Variants in KRT28 observed in about 807,000 individuals in gnomAD.
KRT28 encodes keratin, type I cytoskeletal 28.
In KRT28, 45 loss-of-function variants were observed where a neutral mutation model predicts 48.1. The ratio of observed to expected loss-of-function variants is 0.94; its 90% CI spans 0.74 to 1.20. The LOEUF (loss-of-function observed/expected upper bound fraction) is 1.20. Among genes scored for constraint, KRT28 ranks in the 50% most tolerant of loss-of-function variants. KRT28 has a pLI of 0.00. For missense variants in KRT28, 571 were observed against 574.1 expected (o/e 0.99, Z 0.06); for synonymous variants, 228 against 227.4 (o/e 1.00, Z -0.03).
In KRT28 at chr17:40,799,530, A is replaced by C. The variant is rs767666853; in HGVS notation, c.364T>G (p.Tyr122Asp). The C allele has an allele frequency of 8.1e-6, 13 of 1,614,032 alleles. No homozygotes were observed. The African/African-American group carries it at 1.7e-4, about 22-fold the overall frequency. Reference protein sequence around the residue: ...AELERKIKGWYEKYGPGSCRG... With the variant: ...AELERKIKGWDEKYGPGSCRG... ...CAAGATCCAGGTCCGTATTTTTCAT[A>C]CCAACCCTTGATTTTTCTCTCTAAT... The change falls in exon 1 of 8, where the codon TAT (tyrosine) becomes GAT (aspartate). Residue 122 changes from tyrosine to aspartate, a missense_variant. By Grantham distance (160) the Tyr-to-Asp change is radical. Transcript: ENST00000306658.
At chr17:40,793,700 A>G in intron 6 of KRT28, 129 bp downstream of exon 6, 1 of 842,018 alleles carries the variant, frequency 1.2e-6, no homozygotes, top group Admixed American at 2.4e-5. Flanking sequence ...CCAAAAAAAC[A>G]AGAGATGGAC....
At chr17:40,794,432 A>G (rs1183196739) in intron 5 of KRT28, among the ~76,000 whole-genome samples, 1 of 152,170 alleles carries the variant, frequency 6.6e-6, no homozygotes, top group African/African-American at 2.4e-5. Flanking sequence ...TGTTGTTTCC[A>G]TCTTACTCTG....
intron 3 of KRT28, among the ~76,000 whole-genome samples, chr17:40,797,855 T>C (rs1318658309): frequency 6.6e-6 from 1 of 152,174 alleles, no homozygotes; most frequent in African/African-American, 2.4e-5. Flanking sequence ...ATTTATTCTT[T>C]TAAATGAGAA....
Position 40,799,570 on chromosome 17 carries a change from C to T in KRT28, c.324G>A (p.Glu108=). Reference sequence around the variant, plus strand: ...TTCTCTCTAATTCAGCATTTGCCTCCTCCAGAGCTCGCACATTATCCAGGT... The same window carrying T: ...TTCTCTCTAATTCAGCATTTGCCTCTTCCAGAGCTCGCACATTATCCAGGT... ...ASYLDNVRAL[E]EANAELERKI... The change falls in exon 1 of 8, where the codon GAG becomes GAA. Residue 108 remains glutamate, a synonymous_variant. Transcript: ENST00000306658. 1.2e-6 allele frequency: 2 copies of T among 1,614,192 alleles called. No individual in the cohort carries two copies. Among genetic ancestry groups the T allele is most frequent in the Non-Finnish European group, 1.7e-6 (2 of 1,180,024 alleles).
chr17:40,794,772 G>A (rs758764827), intron 5 of KRT28, among the ~76,000 whole-genome samples: 3 of 152,068 alleles, frequency 2.0e-5, no homozygotes, highest in Non-Finnish European at 4.4e-5. Flanking sequence ...ATATGTCTGG[G>A]CAATTATTAC....
intron 5 of KRT28, 98 bp from the exon 6 acceptor site, chr17:40,794,144 T>C (rs1904557421): frequency 1.5e-6 from 2 of 1,367,782 alleles, no homozygotes; most frequent in Non-Finnish European, 2.0e-6. Flanking sequence ...CCCTGGGCAA[T>C]TGTGGAAATT....
intron 2 of KRT28, 50 bp from the exon 3 acceptor site, chr17:40,798,441 A>G (rs747203486): frequency 6.2e-5 from 96 of 1,551,480 alleles, no homozygotes; most frequent in Non-Finnish European, 8.0e-5. Context: ...TACCCCAAGA[A>G]ACAGAAATAT....
At chr17:40,799,047 G>T in intron 1 of KRT28, 48 bp from the exon 2 acceptor site, 1 of 1,115,992 alleles carries the variant, frequency 9.0e-7, no homozygotes, top group Non-Finnish European at 1.3e-6. Context: ...ATGCTTTTAT[G>T]TGATTCATTA....
At chr17:40,796,817 C>A in intron 5 of KRT28, 99 bp downstream of exon 5, 1 of 1,445,092 alleles carries the variant, frequency 6.9e-7, no homozygotes, top group Non-Finnish European at 9.2e-7. Flanking sequence ...TATTTGCAGG[C>A]AAAGGTATAA....
chr17:40,798,880 AC>A, intron 2 of KRT28, 36 bp downstream of exon 2: 4 of 1,341,258 alleles, frequency 3.0e-6, no homozygotes, highest in Non-Finnish European at 4.2e-6. Flanking sequence ...ATAAATAGAA[AC>A]TTTTTTCTAG....
At chr17:40,798,480 T>C in intron 2 of KRT28, 89 bp from the exon 3 acceptor site, 1 of 1,402,068 alleles carries the variant, frequency 7.1e-7, no homozygotes, top group Non-Finnish European at 9.7e-7. Context: ...AACTGAAAAT[T>C]AGAAATTGAA....
intron 5 of KRT28, 45 bp downstream of exon 5, chr17:40,796,871 C>T: frequency 6.5e-7 from 1 of 1,531,214 alleles, no homozygotes. Context: ...TTCTCGGAGG[C>T]TTTCTAGAAT....
At chr17:40,795,143 A>C (rs1904582897) in intron 5 of KRT28, among the ~76,000 whole-genome samples, 1 of 152,196 alleles carries the variant, frequency 6.6e-6, no homozygotes, top group Non-Finnish European at 1.5e-5. Flanking sequence ...TGGGGCTGAG[A>C]ACCTAACACT....
In KRT28 at chr17:40,798,406, A is replaced by T. The variant is rs1259460065; in HGVS notation, c.534-15T>A. The T allele has an allele frequency of 1.9e-6, 3 of 1,588,464 alleles. No homozygotes were observed. In the African/African-American group the frequency reaches 4.0e-5, roughly 21 times the overall value. On this transcript the variant is annotated splice_polypyrimidine_tract_variant and intron_variant, in intron 2 of 7. Transcript: ENST00000306658. ...CATTTTCATACCTTGGGGGGCATTT[A>T]AGTGAATTTCAGTGCCAGTAAGACT...
At chr17:40,796,094 C>T (rs4132127) in intron 5 of KRT28, among the ~76,000 whole-genome samples, 27,736 of 152,206 alleles carry the variant, frequency 0.18, 2,806 homozygotes, top group Non-Finnish European at 0.23. Context: ...TGTTTTGAGT[C>T]ATCTTTTCCT....
At position 40,798,397 on chromosome 17, in the gene KRT28, G is replaced by T; in HGVS notation, c.534-6C>A. ...GGGTGAGCTCATTTTCATACCTTGG[G>T]GGGCATTTAAGTGAATTTCAGTGCC... On this transcript the variant is annotated splice_region_variant and splice_polypyrimidine_tract_variant and intron_variant, in intron 2 of 7. Coordinates refer to ENST00000306658, the MANE Select transcript of KRT28 (RefSeq NM_181535.3). 6.3e-7 allele frequency: 1 copy of T among 1,593,006 alleles called. No homozygotes were observed. The highest frequency in any genetic ancestry group is 8.6e-7 in the Non-Finnish European group (1 of 1,165,858).
At chr17:40,797,380 C>T (rs2143076044) in intron 3 of KRT28, 99 bp from the exon 4 acceptor site, 1 of 1,204,330 alleles carries the variant, frequency 8.3e-7, no homozygotes, top group East Asian at 2.4e-5. Context: ...AGTTTGCGGT[C>T]AGGTGTATAA....
In KRT28 at chr17:40,792,703, A is replaced by G. The variant is rs1904520983; in HGVS notation, c.1253-134T>C. 1.2e-5 allele frequency: 8 copies of G among 680,858 alleles called. No homozygotes were observed. In the East Asian group the frequency reaches 2.0e-4, roughly 17 times the overall value. 42.2% of individuals were successfully genotyped at this position (680,858 alleles called of 1,614,324 possible). On this transcript the variant is annotated intron_variant, in intron 7 of 7. Coordinates refer to ENST00000306658, the MANE Select transcript of KRT28 (RefSeq NM_181535.3). ...TATATATTTATAATAATAGCTTGGG[A>G]TAGTTTTAGCCACTTGATACTTCCT...
rs764178368 is a variant in KRT28, at chr17:40,799,623, G to A, written c.271C>T (p.Gln91Ter). The change falls in exon 1 of 8, where the codon CAA (glutamine) becomes TAA (stop). Residue 91 changes from glutamine (Q) to a stop codon, truncating the protein, a stop_gained. Transcript: ENST00000306658. LOFTEE classifies it high-confidence loss of function. The stretch of plus-strand genomic sequence containing the variant: ...GATGCCAAGCGGTCATTAAGATTTT[G>A]CATGGTCACCTTCTCATTTCCAGAG... Reference protein sequence around the residue: ...LLSGNEKVTMQNLNDRLASYL... With the variant: ...LLSGNEKVTM 2 of 1,613,986 alleles carry A rather than the reference G, an allele frequency of 1.2e-6. No individual in the cohort carries two copies. Among genetic ancestry groups the A allele is most frequent in the Admixed American group, 3.3e-5 (2 of 59,978 alleles).
Sources: gnomAD v4.1 joint callset for allele counts (sites outside exome capture counted in the v4.1 genomes callset) on GRCh38, gnomAD v4.1.1 for gene constraint, MANE v1.5 for transcripts, NCBI Gene and HGNC (gene_info 2026-07-23, HGNC 2026-07-21) for gene names.